Variants in HTT observed in about 807,000 individuals in gnomAD.
The protein encoded by HTT is huntingtin.
Under a neutral mutation model 362.3 loss-of-function variants are expected in HTT, and 104 were observed. The observed-to-expected ratio is 0.29, with a 90% CI of 0.24 to 0.34. The LOEUF is 0.34. HTT is among the 10% of genes least tolerant of loss of function. HTT has a pLI of 1.00. For synonymous variants in HTT, 1,577 were observed against 1,548.7 expected, an observed-to-expected ratio of 1.02 and a Z score of -0.43; for missense variants, 3,301 against 3,928.6, an observed-to-expected ratio of 0.84 and a Z score of 4.27.
At chr4:3,086,874 G>T (rs897070987) in intron 1 of HTT, 65 bp from the exon 2 acceptor site, 5 of 806,230 alleles carry the variant, frequency 6.2e-6, no homozygotes, top group Admixed American at 3.9e-5. Flanking sequence ...GAATGAATGA[G>T]GTGTAGAACT....
At chr4:3,220,624 A>G (rs1415046045) in intron 53 of HTT, among the ~76,000 whole-genome samples, 2 of 152,070 alleles carry the variant, frequency 1.3e-5, no homozygotes, top group African/African-American at 4.8e-5. Context: ...TAGGCTAAAC[A>G]GTGGCAGCAC....
Position 3,164,543 on chromosome 4 carries a change from A to G in HTT, c.3864+4151A>G, listed in dbSNP as rs561921443. On this transcript the variant is annotated intron_variant, in intron 29 of 66. Coordinates refer to ENST00000355072, the MANE Select transcript of HTT (RefSeq NM_001388492.1). Reference sequence around the variant, plus strand: ...CAGTGGGGTGTTAAAGTCTCCCACTATTACCGGGTGGGAGTCTCTTTGTAG... The same window carrying G: ...CAGTGGGGTGTTAAAGTCTCCCACTGTTACCGGGTGGGAGTCTCTTTGTAG... Among the ~76,000 whole-genome samples, 126 of 152,184 alleles carry G rather than the reference A, an allele frequency of 8.3e-4. 1 individual carries two copies. Among genetic ancestry groups the G allele is most frequent in the Non-Finnish European group, 1.4e-3 (96 of 68,018 alleles).
In HTT at chr4:3,220,175, T is replaced by A. The variant is rs367953676; in HGVS notation, c.7243-7T>A. The stretch of plus-strand genomic sequence containing the variant: ...CGGATGATGTCACTTCCTTTTCATC[T>A]TCTCAGGTGTGGAAGCTTGGATGGT... On this transcript the variant is annotated splice_polypyrimidine_tract_variant and splice_region_variant and intron_variant, in intron 52 of 66. Coordinates refer to ENST00000355072, the MANE Select transcript of HTT (RefSeq NM_001388492.1). 1 of 1,614,128 alleles carries A rather than the reference T, an allele frequency of 6.2e-7. No individual in the cohort carries two copies. The highest frequency in any genetic ancestry group is 8.5e-7 in the Non-Finnish European group (1 of 1,179,960).
intron 9 of HTT, 182 bp downstream of exon 9, chr4:3,121,614 G>A (rs538875929): frequency 5.8e-6 from 3 of 516,356 alleles, no homozygotes; most frequent in East Asian, 3.4e-5. Context: ...GGTGGCTCAC[G>A]CCTGTAATTT....
At chr4:3,230,500 A>G (rs968982145) in intron 60 of HTT, among the ~76,000 whole-genome samples, 5 of 151,622 alleles carry the variant, frequency 3.3e-5, no homozygotes, top group Middle Eastern at 6.8e-3. Context: ...TGTCACAGTG[A>G]CCCTGTGTTT....
chr4:3,158,905 CT>C (rs751481650), intron 28 of HTT, among the ~76,000 whole-genome samples: 93 of 152,236 alleles, frequency 6.1e-4, no homozygotes, highest in Non-Finnish European at 1.3e-4. Context: ...TGCTTGCTAT[CT>C]GTTTATTATT....
chr4:3,205,366 G>A (rs191138067), intron 42 of HTT, among the ~76,000 whole-genome samples: 460 of 152,200 alleles, frequency 3.0e-3, no homozygotes, highest in Middle Eastern at 0.01. Context: ...AAAGGAAGCC[G>A]ACTCTCCAAC....
intron 7 of HTT, 46 bp downstream of exon 7, chr4:3,115,491 A>C: frequency 6.8e-7 from 1 of 1,462,572 alleles, no homozygotes; most frequent in Non-Finnish European, 9.5e-7. Flanking sequence ...CATGTACTCA[A>C]GATAGACCTT....
intron 60 of HTT, among the ~76,000 whole-genome samples, chr4:3,232,690 C>T (rs948035868): frequency 3.3e-5 from 5 of 152,244 alleles, no homozygotes; most frequent in African/African-American, 7.2e-5. Flanking sequence ...GGCGATGTCC[C>T]GAGGACACCA....
intron 49 of HTT, chr4:3,212,962 A>G (rs362333): frequency 1.0e-4 from 46 of 440,266 alleles, no homozygotes; most frequent in Admixed American, 7.0e-4. Flanking sequence ...TGTTAGGTGG[A>G]TCCTAATTTT....
rs538626271 is a variant in HTT, at chr4:3,209,223, C to T, written c.6291+312C>T. ...GCACATGTCAATGCCGTTAGCCTCC[C>T]TCCATCTCCTCATACCTTCTGGCCA... is the stretch of plus-strand genomic sequence containing the variant. On this transcript the variant is annotated intron_variant, in intron 46 of 66. Coordinates refer to ENST00000355072, the MANE Select transcript of HTT (RefSeq NM_001388492.1). Among the ~76,000 whole-genome samples, 26 of 152,290 alleles carry T rather than the reference C, an allele frequency of 1.7e-4. No homozygotes were observed. In the South Asian group the frequency reaches 3.1e-3, roughly 18 times the overall value.
chr4:3,101,495 G>C (rs1198994716), intron 3 of HTT, among the ~76,000 whole-genome samples: 2 of 152,264 alleles, frequency 1.3e-5, no homozygotes, highest in Non-Finnish European at 2.9e-5. Flanking sequence ...CACTGTGGCA[G>C]AGTAGGGGGA....
chr4:3,196,701 G>C (rs1719272443), intron 40 of HTT, among the ~76,000 whole-genome samples: 1 of 150,430 alleles, frequency 6.6e-6, no homozygotes, highest in South Asian at 2.1e-4. Flanking sequence ...TCGTGCCACT[G>C]TACTCCAGTC....
At chr4:3,097,493 G>C (rs1448778998) in intron 2 of HTT, among the ~76,000 whole-genome samples, 2 of 152,114 alleles carry the variant, frequency 1.3e-5, no homozygotes, top group Non-Finnish European at 2.9e-5. Flanking sequence ...TTAGTTGGTC[G>C]TGGTGCTGTG....
chr4:3,183,101 T>C (rs1718603838), intron 37 of HTT, among the ~76,000 whole-genome samples: 1 of 152,226 alleles, frequency 6.6e-6, no homozygotes, highest in Admixed American at 6.5e-5. Context: ...AGGCTGGTTT[T>C]AAACTCCTGG....
At chr4:3,093,148 C>T (rs577403008) in intron 2 of HTT, among the ~76,000 whole-genome samples, 1 of 152,304 alleles carries the variant, frequency 6.6e-6, no homozygotes, top group East Asian at 1.9e-4. Flanking sequence ...CTGACGAGCA[C>T]TTGCTTGTGC....
At chr4:3,180,385 C>T (rs939595306) in intron 35 of HTT, 130 bp from the exon 36 acceptor site, 40 of 703,310 alleles carry the variant, frequency 5.7e-5, no homozygotes, top group Middle Eastern at 5.3e-4. Flanking sequence ...CTTAATTCAT[C>T]TCTTACCATA....
intron 59 of HTT, among the ~76,000 whole-genome samples, chr4:3,229,550 A>G (rs1333248214): frequency 6.6e-6 from 1 of 150,512 alleles, no homozygotes; most frequent in Non-Finnish European, 1.5e-5. Context: ...CCACACACAC[A>G]TGCACCACAC....
chr4:3,214,317 A>G (rs1216177355), intron 50 of HTT, among the ~76,000 whole-genome samples, 182 bp downstream of exon 50: 1 of 152,162 alleles, frequency 6.6e-6, no homozygotes, highest in Non-Finnish European at 1.5e-5. Context: ...TGGAGTCTAC[A>G]CTGGAATTTA....
Sources: allele counts gnomAD v4.1 joint callset (sites outside exome capture counted in the v4.1 genomes callset), GRCh38; gene constraint gnomAD v4.1.1; transcripts MANE v1.5; gene names NCBI Gene and HGNC (gene_info 2026-07-23, HGNC 2026-07-21).